Variants in CEP57L1 observed in about 807,000 individuals in gnomAD.
CEP57L1 encodes centrosomal protein CEP57L1.
A neutral mutation model predicts 61.0 loss-of-function variants in CEP57L1; 37 were observed. The ratio of observed to expected loss-of-function variants is 0.61; its 90% CI spans 0.47 to 0.80. CEP57L1 has a LOEUF of 0.80. Among genes scored for constraint, CEP57L1 ranks in the 30% least tolerant of loss-of-function variants. The pLI, the probability that CEP57L1 is intolerant of heterozygous loss-of-function variation, is 0.00. For synonymous variants in CEP57L1, 137 were observed against 162.3 expected (o/e 0.84, Z 1.19); for missense variants, 422 against 524.7 (o/e 0.80, Z 1.91).
At chr6:109,135,200 C>T (rs1275470388) in intron 1 of CEP57L1, among the ~76,000 whole-genome samples, 3 of 152,158 alleles carry the variant, frequency 2.0e-5, no homozygotes, top group South Asian at 4.1e-4. Context: ...AGCATGGTAC[C>T]TATACCAAAA....
intron 1 of CEP57L1, among the ~76,000 whole-genome samples, chr6:109,127,387 T>C (rs898512135): frequency 6.6e-6 from 1 of 152,158 alleles, no homozygotes; most frequent in African/African-American, 2.4e-5. Flanking sequence ...AACAGTGTAA[T>C]TGCAAATTCA....
chr6:109,097,094 A>G (rs1484519742), intron 1 of CEP57L1, among the ~76,000 whole-genome samples: 1 of 152,246 alleles, frequency 6.6e-6, no homozygotes, highest in Non-Finnish European at 1.5e-5. Flanking sequence ...AGCAAAGGAC[A>G]CTACTATCCA....
chr6:109,105,250 T>C (rs1027390071), intron 1 of CEP57L1, among the ~76,000 whole-genome samples: 13 of 152,192 alleles, frequency 8.5e-5, no homozygotes, highest in Admixed American at 8.5e-4. Flanking sequence ...TTAAGAAATC[T>C]CTTCTTACCC....
chr6:109,167,763 T>G lies in CEP57L1; in HGVS notation c.*4793T>G, dbSNP rs1272723139. 6.6e-6 allele frequency among the ~76,000 whole-genome samples: 1 copy of G among 152,136 alleles called. No individual in the cohort carries two copies. Among genetic ancestry groups the G allele is most frequent in the Non-Finnish European group, 1.5e-5 (1 of 68,010 alleles). On this transcript the variant is annotated 3_prime_UTR_variant, in exon 11 of 11. Transcript: ENST00000517392. ...AGGGGCAGGGTGTGGTTCCACCAAC[T>G]GTGGGCACCAGAATGGTGCTTTCTT...
intron 2 of CEP57L1, among the ~76,000 whole-genome samples, chr6:109,146,212 A>G (rs1771943943): frequency 6.6e-6 from 1 of 151,928 alleles, no homozygotes; most frequent in African/African-American, 2.4e-5. Context: ...ACAGTAGTAT[A>G]GAATACTATT....
intron 1 of CEP57L1, among the ~76,000 whole-genome samples, chr6:109,101,130 T>C (rs1782344983): frequency 6.6e-6 from 1 of 151,986 alleles, no homozygotes; most frequent in South Asian, 2.1e-4. Flanking sequence ...AACAAAACAG[T>C]CTGCCTTTTT....
intron 1 of CEP57L1, among the ~76,000 whole-genome samples, chr6:109,103,568 A>G (rs1770577159): frequency 6.6e-6 from 1 of 152,152 alleles, no homozygotes; most frequent in Non-Finnish European, 1.5e-5. Flanking sequence ...TCCATCTTTC[A>G]GGAATAAATG....
chr6:109,162,786 T>C lies in CEP57L1; in HGVS notation c.1199T>C (p.Met400Thr), dbSNP rs973816649. 1 of 1,613,250 alleles carries C rather than the reference T, an allele frequency of 6.2e-7. No individual in the cohort carries two copies. Among genetic ancestry groups the C allele is most frequent in the African/African-American group, 1.3e-5 (1 of 74,988 alleles). Residue 400 changes from methionine (M) to threonine (T), a missense_variant, in exon 11 of 11, where the codon ATG becomes ACG. Coordinates refer to ENST00000517392, the MANE Select transcript of CEP57L1 (RefSeq NM_001271852.3). Reference sequence around the variant, plus strand: ...CAGCAAAAAGTTCAAAACTCAAAGATGAGTGAAGCTTCAGGTATTCAGCAA... The same window carrying C: ...CAGCAAAAAGTTCAAAACTCAAAGACGAGTGAAGCTTCAGGTATTCAGCAA... ...KLQQKVQNSK[M>T]SEASGIQQED...
intron 1 of CEP57L1, chr6:109,130,896 T>C (rs1436819415): frequency 1.3e-5 from 2 of 152,144 alleles, no homozygotes; most frequent in Non-Finnish European, 2.9e-5. Flanking sequence ...ATAAAGTTAC[T>C]AGTTTTTCCT....
chr6:109,159,123 G>A (rs1380862638), intron 8 of CEP57L1, 21 bp downstream of exon 8: 1 of 1,613,848 alleles, frequency 6.2e-7, no homozygotes, highest in African/African-American at 1.3e-5. Flanking sequence ...ATAAAATGAA[G>A]ATAGTCGTTC....
chr6:109,107,559 G>T (rs905379715), intron 1 of CEP57L1, among the ~76,000 whole-genome samples: 15 of 151,976 alleles, frequency 9.9e-5, no homozygotes, highest in Admixed American at 9.2e-4. Flanking sequence ...GAGCATTAAG[G>T]TATTCATAAG....
rs61743585 is a variant in CEP57L1, at chr6:109,159,339, A to T, written c.893A>T (p.Lys298Met). The T allele has an allele frequency of 3.2e-3, 5,140 of 1,614,102 alleles. 18 individuals carry two copies. The highest frequency in any genetic ancestry group is 3.8e-3 in the Non-Finnish European group (4,506 of 1,179,990). Residue 298 changes from lysine (K) to methionine (M), a missense_variant, in exon 9 of 11, where the codon AAG becomes ATG. Coordinates refer to ENST00000517392, the MANE Select transcript of CEP57L1 (RefSeq NM_001271852.3). Reference sequence around the variant, plus strand: ...GTGACTGAGACTAGATGTCTCCCCAAGCCTTCTAGAACAACTTCCTGGTGT... The same window carrying T: ...GTGACTGAGACTAGATGTCTCCCCATGCCTTCTAGAACAACTTCCTGGTGT... ...FNVTETRCLP[K>M]PSRTTSWCKA...
At chr6:109,149,758 A>T (rs1437960371) in intron 3 of CEP57L1, among the ~76,000 whole-genome samples, 1 of 152,056 alleles carries the variant, frequency 6.6e-6, no homozygotes, top group African/African-American at 2.4e-5. Flanking sequence ...TGAGCATGGA[A>T]TGTTCTTCCA....
intron 2 of CEP57L1, among the ~76,000 whole-genome samples, chr6:109,146,356 G>A (rs1010288866): frequency 6.6e-6 from 1 of 151,756 alleles, no homozygotes; most frequent in South Asian, 2.1e-4. Flanking sequence ...GAGAAAAAAA[G>A]CCTATAACTT....
rs369697487 is a variant in CEP57L1 at position 109,150,204 on chromosome 6, G to A, written c.427G>A (p.Val143Ile). 49 of 1,606,406 alleles carry A rather than the reference G, an allele frequency of 3.1e-5. No homozygotes were observed. Among genetic ancestry groups the A allele is most frequent in the Non-Finnish European group, 3.5e-5 (41 of 1,173,622 alleles). Residue 143 changes from valine to isoleucine, a missense_variant, in exon 4 of 11, where the codon GTA (valine) becomes ATA (isoleucine). Transcript: ENST00000517392. ...LEYTKRMVLN[V>I]EREKNMILEQ... is the part of the protein sequence containing the mutation. ...ATATACAAAGAGAATGGTTCTCAAC[G>A]TAGAGCGAGAAAAGAACATGATCCT...
At chr6:109,129,572 G>C in intron 1 of CEP57L1, 1 of 454,270 alleles carries the variant, frequency 2.2e-6, no homozygotes, top group Admixed American at 2.4e-5. Flanking sequence ...TTTTCAACCT[G>C]TTCTCTAGTT....
chr6:109,127,415 A>T (rs1041351708), intron 1 of CEP57L1, among the ~76,000 whole-genome samples: 4 of 152,202 alleles, frequency 2.6e-5, no homozygotes, highest in Admixed American at 2.6e-4. Flanking sequence ...AGCAGAAGCC[A>T]TGTCCTGTGT....
rs1322045014 is a variant in CEP57L1 at position 109,172,414 on chromosome 6, C to T, written c.*9444C>T. The stretch of plus-strand genomic sequence containing the variant: ...ACTTCACCATTAATCACATTGTTAG[C>T]TTAGACTACCTGGTATGGCCTAAGG... On this transcript the variant is annotated 3_prime_UTR_variant, in exon 11 of 11. Coordinates refer to ENST00000517392, the MANE Select transcript of CEP57L1 (RefSeq NM_001271852.3). Among the ~76,000 whole-genome samples, 2 of 152,150 alleles carry T rather than the reference C, an allele frequency of 1.3e-5. No homozygotes were observed. The highest frequency in any genetic ancestry group is 1.3e-4 in the Admixed American group (2 of 15,274).
At chr6:109,117,112 T>A (rs1772395556) in intron 1 of CEP57L1, among the ~76,000 whole-genome samples, 2 of 152,196 alleles carry the variant, frequency 1.3e-5, no homozygotes, top group African/African-American at 2.4e-5. Flanking sequence ...AGAATGAACA[T>A]GTATTACTTT....
Sources: allele counts gnomAD v4.1 joint callset (sites outside exome capture counted in the v4.1 genomes callset), GRCh38; gene constraint gnomAD v4.1.1; transcripts MANE v1.5; gene names NCBI Gene and HGNC (gene_info 2026-07-23, HGNC 2026-07-21).